Variants in STEAP1B observed in about 807,000 individuals in gnomAD.
The protein encoded by STEAP1B is STEAP family protein MGC87042.
A neutral mutation model predicts 27.9 loss-of-function variants in STEAP1B; 13 were observed. That is an observed-to-expected ratio of 0.47 (90% confidence interval 0.30 to 0.74). The LOEUF is 0.74. STEAP1B is among the 30% of genes least tolerant of loss of function. The pLI is 0.06. For missense variants in STEAP1B, 250 were observed against 298.7 expected (o/e 0.84, Z 1.20); for synonymous variants, 86 against 107.1 (o/e 0.80, Z 1.22).
intron 4 of STEAP1B, among the ~76,000 whole-genome samples, chr7:22,469,588 C>G (rs1785844493): frequency 1.3e-5 from 2 of 152,142 alleles, no homozygotes; most frequent in Non-Finnish European, 2.9e-5. Context: ...TTTACTGTTT[C>G]ATTTCTGTTT....
intron 4 of STEAP1B, among the ~76,000 whole-genome samples, chr7:22,462,435 T>C (rs1033641194): frequency 8.8e-5 from 11 of 124,708 alleles, no homozygotes; most frequent in Non-Finnish European, 1.5e-4. Context: ...CCTGTGTCCA[T>C]GTGTTCTCAT....
At position 22,487,862 on chromosome 7, in the gene STEAP1B, A is replaced by AT. The variant is rs1245077299; in HGVS notation, c.762+4702dup. On this transcript the variant is annotated intron_variant, in intron 4 of 4. Coordinates refer to ENST00000678116, the MANE Select transcript of STEAP1B (RefSeq NM_001382447.1). ...AAAAATCCACACATAGATTTACTAT[A>AT]TTGCCTTTCCAAAAGAGAAAAGAAT... Among the ~76,000 whole-genome samples, 6 of 151,880 alleles carry AT rather than the reference A, an allele frequency of 4.0e-5. No individual in the cohort carries two copies. In the East Asian group the frequency reaches 1.2e-3, roughly 29 times the overall value.
intron 4 of STEAP1B, among the ~76,000 whole-genome samples, chr7:22,428,584 A>G (rs75898572): frequency 0.04 from 6,062 of 152,260 alleles, 222 homozygotes; most frequent in African/African-American, 0.082. Flanking sequence ...AAGAGAAATT[A>G]TATAATAATT....
chr7:22,489,035 CAG>C (rs1786271584), intron 4 of STEAP1B, among the ~76,000 whole-genome samples: 1 of 152,166 alleles, frequency 6.6e-6, no homozygotes. Flanking sequence ...TGAAGAGTCA[CAG>C]AGCAGGCAAC....
At chr7:22,443,219 C>G (rs990287023) in intron 4 of STEAP1B, among the ~76,000 whole-genome samples, 5 of 152,164 alleles carry the variant, frequency 3.3e-5, no homozygotes, top group African/African-American at 1.2e-4. Flanking sequence ...GACATGCTTC[C>G]CAACAACAAG....
At chr7:22,474,029 G>T (rs568122349) in intron 4 of STEAP1B, among the ~76,000 whole-genome samples, 1 of 152,194 alleles carries the variant, frequency 6.6e-6, no homozygotes, top group Non-Finnish European at 1.5e-5. Context: ...GGTCAAAGGG[G>T]TAATATAAAC....
chr7:22,493,643 T>C lies in STEAP1B; in HGVS notation c.278A>G (p.Glu93Gly). 1 of 1,613,976 alleles carries C rather than the reference T, an allele frequency of 6.2e-7. No homozygotes were observed. Among genetic ancestry groups the C allele is most frequent in the Non-Finnish European group, 8.5e-7 (1 of 1,179,874 alleles). ...SLTFLYTLLR[E>G]VIHPLATSHQ... Reference sequence around the variant, plus strand: ...GGAAGTTGCTAAAGGGTGAATTACTTCCCTCAGAAGAGTGTAAAGAAAAGT... The same window carrying C: ...GGAAGTTGCTAAAGGGTGAATTACTCCCCTCAGAAGAGTGTAAAGAAAAGT... Residue 93 changes from glutamate (E) to glycine (G), a missense_variant, in exon 3 of 5, where the codon GAA becomes GGA. By Grantham distance (98) the Glu-to-Gly change is moderately conservative. Transcript: ENST00000678116.
chr7:22,469,211 C>A (rs1031969394), intron 4 of STEAP1B, among the ~76,000 whole-genome samples: 11 of 151,534 alleles, frequency 7.3e-5, no homozygotes, highest in African/African-American at 2.4e-5. Flanking sequence ...TCATTTTTAA[C>A]AAAAATTTTA....
chr7:22,422,948 G>C (rs1191022914), intron 4 of STEAP1B, among the ~76,000 whole-genome samples: 1 of 152,138 alleles, frequency 6.6e-6, no homozygotes, highest in East Asian at 1.9e-4. Context: ...TGTGAACGGA[G>C]ATATTTGGAG....
intron 4 of STEAP1B, among the ~76,000 whole-genome samples, chr7:22,421,094 G>C (rs955389734): frequency 1.3e-5 from 2 of 152,324 alleles, no homozygotes; most frequent in East Asian, 3.9e-4. Flanking sequence ...GTTATGTCTG[G>C]CAAGCACATT....
At chr7:22,461,705 C>G (rs1785681771) in intron 4 of STEAP1B, among the ~76,000 whole-genome samples, 1 of 152,240 alleles carries the variant, frequency 6.6e-6, no homozygotes, top group African/African-American at 2.4e-5. Flanking sequence ...TCCACTGTCT[C>G]TCTGGGAACA....
intron 4 of STEAP1B, chr7:22,438,315 C>A: frequency 2.6e-6 from 2 of 756,980 alleles, no homozygotes; most frequent in Non-Finnish European, 4.1e-6. Context: ...CAGTTTTTCG[C>A]ACTTGTCCCA....
At chr7:22,490,449 T>G (rs543646217) in intron 4 of STEAP1B, among the ~76,000 whole-genome samples, 1 of 152,246 alleles carries the variant, frequency 6.6e-6, no homozygotes, top group Non-Finnish European at 1.5e-5. Context: ...AAATGATCCA[T>G]TGGTTAGATC....
intron 4 of STEAP1B, chr7:22,438,704 G>C: frequency 6.4e-7 from 1 of 1,551,746 alleles, no homozygotes; most frequent in Non-Finnish European, 8.7e-7. Flanking sequence ...GTCTTGGCCA[G>C]TTTAGTGGCC....
chr7:22,433,025 C>T (rs1562566320), intron 4 of STEAP1B, among the ~76,000 whole-genome samples: 1 of 152,090 alleles, frequency 6.6e-6, no homozygotes, highest in Non-Finnish European at 1.5e-5. Flanking sequence ...GGCCTGACTG[C>T]TCATAGGACA....
chr7:22,492,509 T>G, intron 4 of STEAP1B, 56 bp downstream of exon 4: 1 of 1,505,050 alleles, frequency 6.6e-7, no homozygotes, highest in Non-Finnish European at 8.9e-7. Flanking sequence ...ACATATTCTA[T>G]ATCATAAACA....
intron 1 of STEAP1B, among the ~76,000 whole-genome samples, chr7:22,498,701 GC>G (rs1434473741): frequency 1.3e-5 from 2 of 152,200 alleles, no homozygotes; most frequent in Non-Finnish European, 2.9e-5. Flanking sequence ...AGTTTTATAG[GC>G]AGATGGTGGC....
intron 4 of STEAP1B, among the ~76,000 whole-genome samples, chr7:22,420,814 T>A (rs982712985): frequency 2.0e-5 from 3 of 152,140 alleles, no homozygotes; most frequent in Non-Finnish European, 2.9e-5. Flanking sequence ...ATGTATAAAC[T>A]CTCTAATCCT....
At chr7:22,438,850 C>T (rs950837061) in intron 4 of STEAP1B, 1 of 1,311,078 alleles carries the variant, frequency 7.6e-7, no homozygotes, top group Non-Finnish European at 9.9e-7. Flanking sequence ...AAACTGAATA[C>T]TCTCCTTCAT....
Sources: gnomAD v4.1 joint callset for allele counts (sites outside exome capture counted in the v4.1 genomes callset) on GRCh38, gnomAD v4.1.1 for gene constraint, MANE v1.5 for transcripts, NCBI Gene and HGNC (gene_info 2026-07-23, HGNC 2026-07-21) for gene names.